Variants in PRPF19 observed in about 807,000 individuals in gnomAD.
The protein encoded by PRPF19 is pre-mRNA-processing factor 19.
PRPF19 carries 2 observed loss-of-function variants against 64.2 expected under a neutral mutation model. The observed-to-expected ratio is 0.03, with a 90% CI of 0.01 to 0.10. PRPF19 has a LOEUF of 0.10. Among genes scored for constraint, PRPF19 ranks in the 10% least tolerant of loss-of-function variants. PRPF19 has a pLI of 1.00. For missense variants in PRPF19, 314 were observed against 650.0 expected (o/e 0.48, Z 5.62); for synonymous variants, 226 against 251.6 (o/e 0.90, Z 0.96).
In PRPF19 at chr11:60,898,698, T is replaced by C. The variant is rs1385618310; in HGVS notation, c.1055-72A>G. On this transcript the variant is annotated intron_variant, in intron 12 of 15. Transcript: ENST00000227524. The surrounding 1 kb of genome is among the most constrained non-coding windows in gnomAD (Gnocchi z 4.6). ...AGAGACTAAGAGCAGCAAAGGTAGG[T>C]TCCTTGTTCTTCACATTCCTCAGTG... The C allele has an allele frequency of 2.5e-6, 4 of 1,605,654 alleles. No homozygotes were observed. Among genetic ancestry groups the C allele is most frequent in the South Asian group, 1.1e-5 (1 of 90,154 alleles).
At chr11:60,905,220 C>A (rs552428033) in intron 1 of PRPF19, 6 of 152,334 alleles carry the variant, frequency 3.9e-5, no homozygotes, top group African/African-American at 1.4e-4. Flanking sequence ...TACAGCTGGT[C>A]TCTCACTTCC....
rs765095108 is a variant in PRPF19, at chr11:60,903,721, C to T, written c.160G>A (p.Asp54Asn). The T allele has an allele frequency of 3.3e-5, 52 of 1,594,626 alleles. No homozygotes were observed. The highest frequency in any genetic ancestry group is 4.0e-5 in the Non-Finnish European group (47 of 1,172,870). The change falls in exon 2 of 16, where the codon GAC (aspartate) becomes AAC (asparagine). Residue 54 changes from aspartate (D) to asparagine (N), a missense_variant. Coordinates refer to ENST00000227524, the MANE Select transcript of PRPF19 (RefSeq NM_014502.5). ...NQPLSEEQLI[D>N]IKVAHPIRPK... ...GGCAGCCAATAGGCACCTTTGATGTCGATGAGCTGCTCCTCGGAGAGAGGC... is the reference window on the plus strand; with the variant it reads ...GGCAGCCAATAGGCACCTTTGATGTTGATGAGCTGCTCCTCGGAGAGAGGC...
In PRPF19 at chr11:60,891,244, T is replaced by G; in HGVS notation, c.1437A>C (p.Thr479=). The G allele has an allele frequency of 6.2e-7, 1 of 1,613,524 alleles. No homozygotes were observed. The highest frequency in any genetic ancestry group is 1.1e-5 in the South Asian group (1 of 91,056). The change falls in exon 16 of 16, where the codon ACA becomes ACC. Residue 479 remains threonine, a synonymous_variant. Transcript: ENST00000227524. The stretch of plus-strand genomic sequence containing the variant: ...TGGCGTGATGCCCGAAGGCCACCCC[T>G]GTGGTCAGGCCGCTATGCTCTGAGG... ...LHFTEHSGLT[T]GVAFGHHAKF...
intron 1 of PRPF19, among the ~76,000 whole-genome samples, chr11:60,905,803 G>A (rs899220593): frequency 1.3e-5 from 2 of 152,254 alleles, no homozygotes; most frequent in African/African-American, 2.4e-5. Context: ...GCTTATAAAT[G>A]TGCGCTGTTT....
At position 60,902,553 on chromosome 11, in the gene PRPF19, G is replaced by A; in HGVS notation, c.462+30C>T. 6.2e-7 allele frequency: 1 copy of A among 1,609,184 alleles called. No individual in the cohort carries two copies. The highest frequency in any genetic ancestry group is 1.7e-5 in the Admixed American group (1 of 60,016). On this transcript the variant is annotated intron_variant, in intron 5 of 15. Coordinates refer to ENST00000227524, the MANE Select transcript of PRPF19 (RefSeq NM_014502.5). This position sits in a 1 kb window ranked among gnomAD's most constrained non-coding sequence, Gnocchi z 5.0. Reference sequence around the variant, plus strand: ...TTCTGTGGGCCACTGTACACAAATGGGCTGCTGGTAAGGGAAGGGGGACAC... The same window carrying A: ...TTCTGTGGGCCACTGTACACAAATGAGCTGCTGGTAAGGGAAGGGGGACAC...
At chr11:60,905,919 A>C (rs1777440033) in intron 1 of PRPF19, among the ~76,000 whole-genome samples, 1 of 152,214 alleles carries the variant, frequency 6.6e-6, no homozygotes, top group African/African-American at 2.4e-5. Context: ...AGCTCCGACT[A>C]TCCGAGCGAG....
chr11:60,897,262 T>C (rs983507792), intron 15 of PRPF19, among the ~76,000 whole-genome samples: 1 of 152,252 alleles, frequency 6.6e-6, no homozygotes. Flanking sequence ...TTGTATTCAC[T>C]ACATTTAATA....
At chr11:60,897,445 GT>G (rs925520938) in intron 15 of PRPF19, 35 of 166,216 alleles carry the variant, frequency 2.1e-4, no homozygotes, top group Middle Eastern at 3.0e-3. Context: ...CCATTATTAA[GT>G]GATATATAAA....
intron 1 of PRPF19, 93 bp downstream of exon 1, chr11:60,906,271 C>T: frequency 6.7e-7 from 1 of 1,483,316 alleles, no homozygotes; most frequent in Non-Finnish European, 8.9e-7. Context: ...ATTCCCGCCT[C>T]CACCCCGGCC....
At chr11:60,900,798 G>C in intron 9 of PRPF19, 56 bp downstream of exon 9, 2 of 1,602,182 alleles carry the variant, frequency 1.2e-6, no homozygotes. Flanking sequence ...AGGAGCATGC[G>C]CCTTCCCTGC....
intron 1 of PRPF19, among the ~76,000 whole-genome samples, chr11:60,904,636 TAAAGGATATTAC>T (rs60698120): frequency 0.34 from 50,878 of 151,816 alleles, 9,247 homozygotes; most frequent in Middle Eastern, 0.41. Context: ...CAGTTTATTG[TAAAGGATATTAC>T]AAAGGATACA....
rs373834672 is a variant in PRPF19 at position 60,890,850 on chromosome 11, C to T, written c.*316G>A. On this transcript the variant is annotated 3_prime_UTR_variant, in exon 16 of 16. Transcript: ENST00000227524. ...CTCTCCTGTCTCACAGGAACTGCAA[C>T]AAAATGGGTGTGGAACAGCCACCAC... is the stretch of plus-strand genomic sequence containing the variant. 863 of 513,456 alleles carry T rather than the reference C, an allele frequency of 1.7e-3. 7 individuals carry two copies. The highest frequency in any genetic ancestry group is 0.012 in the South Asian group (769 of 65,186). 31.8% of individuals were successfully genotyped at this position (513,456 alleles called of 1,614,324 possible). A position where few individuals can be genotyped will look rare whatever the true frequency, so the allele number is the denominator to read the frequency against.
intron 3 of PRPF19, 152 bp from the exon 4 acceptor site, chr11:60,903,033 G>T: frequency 7.4e-7 from 1 of 1,352,446 alleles, no homozygotes; most frequent in Non-Finnish European, 9.9e-7. Context: ...CGAATGTGCC[G>T]GCAGACACTC....
intron 15 of PRPF19, among the ~76,000 whole-genome samples, chr11:60,891,495 C>A (rs1855858234): frequency 6.6e-6 from 1 of 152,206 alleles, no homozygotes; most frequent in Admixed American, 6.5e-5. Context: ...CCAGCCCCCC[C>A]TTCTCACCTG....
chr11:60,898,694 T>C lies in PRPF19; in HGVS notation c.1055-68A>G. On this transcript the variant is annotated intron_variant, in intron 12 of 15. Coordinates refer to ENST00000227524, the MANE Select transcript of PRPF19 (RefSeq NM_014502.5). The surrounding 1 kb of genome is among the most constrained non-coding windows in gnomAD (Gnocchi z 4.6). ...GGAGAGAGACTAAGAGCAGCAAAGG[T>C]AGGTTCCTTGTTCTTCACATTCCTC... is the stretch of plus-strand genomic sequence containing the variant. The C allele has an allele frequency of 6.2e-7, 1 of 1,609,256 alleles. No individual in the cohort carries two copies. Among genetic ancestry groups the C allele is most frequent in the Non-Finnish European group, 8.5e-7 (1 of 1,177,350 alleles).
Position 60,902,944 on chromosome 11 carries a change from A to G in PRPF19, c.247-63T>C. 6.3e-7 allele frequency: 1 copy of G among 1,580,464 alleles called. No individual in the cohort carries two copies. Among genetic ancestry groups the G allele is most frequent in the South Asian group, 1.1e-5 (1 of 88,350 alleles). On this transcript the variant is annotated intron_variant, in intron 3 of 15. Coordinates refer to ENST00000227524, the MANE Select transcript of PRPF19 (RefSeq NM_014502.5). This position sits in a 1 kb window ranked among gnomAD's most constrained non-coding sequence, Gnocchi z 5.0. ...GGTGCAGGGAGTACCCAGTGGAGTC[A>G]GCCCTTGGGGAGGGGATGCTGCCTC... is the stretch of plus-strand genomic sequence containing the variant.
Position 60,906,519 on chromosome 11 carries a change from T to A in PRPF19, c.-137A>T. The A allele has an allele frequency of 1.1e-6, 1 of 910,536 alleles. No individual in the cohort carries two copies. The highest frequency in any genetic ancestry group is 1.6e-6 in the Non-Finnish European group (1 of 611,092). 56.4% of individuals were successfully genotyped at this position (910,536 alleles called of 1,614,324 possible). A position where few individuals can be genotyped will look rare whatever the true frequency, so the allele number is the denominator to read the frequency against. ...CTGGGAGCCGCCAGCCGAGCGATGC[T>A]AGCGTAGCGCTTCACGTGGGAATGG... On this transcript the variant is annotated 5_prime_UTR_variant, in exon 1 of 16. Transcript: ENST00000227524.
chr11:60,901,951 GGAA>G (rs1298715577), intron 6 of PRPF19, among the ~76,000 whole-genome samples: 28 of 152,232 alleles, frequency 1.8e-4, no homozygotes, highest in Middle Eastern at 3.4e-3. Flanking sequence ...CTTGCAATCA[GGAA>G]GCCCAGCTCT....
At chr11:60,900,978 C>T (rs1008492045) in intron 8 of PRPF19, 49 bp from the exon 9 acceptor site, 1 of 1,596,982 alleles carries the variant, frequency 6.3e-7, no homozygotes, top group Admixed American at 1.7e-5. Flanking sequence ...TCACAGCAGG[C>T]CACAAAGCCA....
Sources: allele counts gnomAD v4.1 joint callset (sites outside exome capture counted in the v4.1 genomes callset), GRCh38; gene constraint gnomAD v4.1.1; non-coding constraint Gnocchi (gnomAD v3.1); transcripts MANE v1.5; gene names NCBI Gene and HGNC (gene_info 2026-07-23, HGNC 2026-07-21).